The following L3MBTL4 variants were observed in gnomAD, a reference collection of about 807,000 sequenced individuals.
L3MBTL4 encodes L3MBTL histone methyl-lysine binding protein 4.
L3MBTL4 carries 70 observed loss-of-function variants against 84.5 expected under a neutral mutation model. The observed-to-expected ratio is 0.83, with a 90% CI of 0.68 to 1.01. The LOEUF is 1.01. L3MBTL4 is among the 50% of genes least tolerant of loss of function. L3MBTL4 has a pLI of 0.00. For synonymous variants in L3MBTL4, 274 were observed against 259.8 expected, an observed-to-expected ratio of 1.05 and a Z score of -0.52; for missense variants, 715 against 754.8, an observed-to-expected ratio of 0.95 and a Z score of 0.62.
At chr18:6,184,271 T>A (rs932611765) in intron 12 of L3MBTL4, among the ~76,000 whole-genome samples, 1 of 152,212 alleles carries the variant, frequency 6.6e-6, no homozygotes, top group Non-Finnish European at 1.5e-5. Context: ...TGATTTTACA[T>A]CCGTCACGGT....
In L3MBTL4 at chr18:5,969,473, C is replaced by A. The variant is rs373197727; in HGVS notation, c.1534G>T (p.Gly512Cys). 3.7e-6 allele frequency: 6 copies of A among 1,613,880 alleles called. No individual in the cohort carries two copies. Among genetic ancestry groups the A allele is most frequent in the Non-Finnish European group, 5.1e-6 (6 of 1,180,028 alleles). ...SAHPFRDLPLGREQHCKLLPG... is the reference protein window; with the variant it reads ...SAHPFRDLPLCREQHCKLLPG... ...AGCAACTTGCAGTGTTGCTCCCTGC[C>A]GAGGGGAAGGTCCCGAAAAGGGTGG... The change falls in exon 17 of 19, where the codon GGC becomes TGC. Residue 512 changes from glycine (G) to cysteine (C), a missense_variant. By Grantham distance (159) the Gly-to-Cys change is radical. Transcript: ENST00000317931.
At chr18:6,295,282 A>G (rs2050041259) in intron 4 of L3MBTL4, among the ~76,000 whole-genome samples, 2 of 148,788 alleles carry the variant, frequency 1.3e-5, no homozygotes, top group Admixed American at 6.7e-5. Flanking sequence ...CAAAAACAAA[A>G]CAACAGCAAC....
intron 17 of L3MBTL4, among the ~76,000 whole-genome samples, chr18:5,963,624 T>C (rs2052179442): frequency 6.6e-6 from 1 of 152,256 alleles, no homozygotes; most frequent in Non-Finnish European, 1.5e-5. Context: ...CCATGAACTG[T>C]ATTAAGCAGA....
At chr18:5,959,898 T>G (rs902136196) in intron 18 of L3MBTL4, among the ~76,000 whole-genome samples, 196 bp downstream of exon 18, 1 of 151,904 alleles carries the variant, frequency 6.6e-6, no homozygotes, top group African/African-American at 2.4e-5. Flanking sequence ...ACTGCATAAT[T>G]GGGCTCTATT....
intron 1 of L3MBTL4, among the ~76,000 whole-genome samples, chr18:6,404,939 T>C (rs1033717954): frequency 2.0e-5 from 3 of 151,868 alleles, no homozygotes; most frequent in Admixed American, 1.3e-4. Flanking sequence ...CAAGCAATCC[T>C]CCCACCTCAG....
chr18:6,301,426 G>A (rs2050333922), intron 4 of L3MBTL4, among the ~76,000 whole-genome samples: 1 of 152,088 alleles, frequency 6.6e-6, no homozygotes, highest in Non-Finnish European at 1.5e-5. Flanking sequence ...AGAATTAGTT[G>A]AATATGAAAA....
At chr18:6,174,311 G>T (rs773346027) in intron 12 of L3MBTL4, among the ~76,000 whole-genome samples, 1 of 152,108 alleles carries the variant, frequency 6.6e-6, no homozygotes, top group Non-Finnish European at 1.5e-5. Context: ...GTAATTAGCA[G>T]AAAAGGATTG....
At chr18:6,093,560 C>T (rs1555651610) in intron 14 of L3MBTL4, 32 bp from the exon 15 acceptor site, 1 of 1,553,672 alleles carries the variant, frequency 6.4e-7, no homozygotes, top group Non-Finnish European at 8.7e-7. Context: ...GCACAGTCAT[C>T]AGTATACAGT....
chr18:6,360,514 G>A (rs1254615475), intron 1 of L3MBTL4, among the ~76,000 whole-genome samples: 1 of 152,152 alleles, frequency 6.6e-6, no homozygotes, highest in Non-Finnish European at 1.5e-5. Flanking sequence ...AACTCAGAAA[G>A]GAGATTTATC....
intron 10 of L3MBTL4, among the ~76,000 whole-genome samples, chr18:6,216,879 A>G (rs1175012659): frequency 6.6e-6 from 1 of 152,202 alleles, no homozygotes; most frequent in Non-Finnish European, 1.5e-5. Context: ...GTCATGTGAC[A>G]TATAGAATTC....
In L3MBTL4 at chr18:6,301,928, C is replaced by T. The variant is rs950040655; in HGVS notation, c.102G>A (p.Lys34=). The part of the protein sequence containing the change: ...LEQAEEEKKP[K]DSTTPLSHVP... ...CGTGACTCAAAGGGGTTGTGCTATCCTTGGGCTTCTTTTCCTCTTCAGCTT... is the reference window on the plus strand; with the variant it reads ...CGTGACTCAAAGGGGTTGTGCTATCTTTGGGCTTCTTTTCCTCTTCAGCTT... The change falls in exon 4 of 19, where the codon AAG becomes AAA. Residue 34 remains lysine, a synonymous_variant. Transcript: ENST00000317931. The T allele has an allele frequency of 6.2e-7, 1 of 1,613,452 alleles. No individual in the cohort carries two copies. The highest frequency in any genetic ancestry group is 8.5e-7 in the Non-Finnish European group (1 of 1,179,410).
At chr18:5,956,512 TGAGA>T in intron 18 of L3MBTL4, 125 bp from the exon 19 acceptor site, 1 of 746,112 alleles carries the variant, frequency 1.3e-6, no homozygotes, top group Admixed American at 2.5e-5. Context: ...AGCTCACCAG[TGAGA>T]GAGAATGACG....
At chr18:6,027,062 C>T (rs1353007506) in intron 16 of L3MBTL4, among the ~76,000 whole-genome samples, 1 of 152,118 alleles carries the variant, frequency 6.6e-6, no homozygotes, top group South Asian at 2.1e-4. Flanking sequence ...GATACATGTG[C>T]AGAACGTGCA....
intron 4 of L3MBTL4, among the ~76,000 whole-genome samples, chr18:6,282,585 G>A (rs1423292390): frequency 2.6e-5 from 4 of 152,122 alleles, no homozygotes; most frequent in Admixed American, 6.5e-5. Flanking sequence ...TCGGGAGACC[G>A]GAAAGGGCAA....
chr18:6,110,419 ATG>A (rs2050089653), intron 14 of L3MBTL4, among the ~76,000 whole-genome samples: 3 of 150,956 alleles, frequency 2.0e-5, no homozygotes, highest in African/African-American at 7.3e-5. Context: ...GCATGTGAAT[ATG>A]TGTGTGTATC....
intron 12 of L3MBTL4, among the ~76,000 whole-genome samples, chr18:6,203,637 C>T (rs2045744165): frequency 6.6e-6 from 1 of 152,180 alleles, no homozygotes; most frequent in African/African-American, 2.4e-5. Context: ...GGGAAAAGAA[C>T]AGCCAGTCCC....
intron 4 of L3MBTL4, among the ~76,000 whole-genome samples, chr18:6,265,680 G>A (rs1350519380): frequency 1.3e-5 from 2 of 148,416 alleles, no homozygotes; most frequent in African/African-American, 5.3e-5. Context: ...CTTATGCTAA[G>A]TGAAATAAGT....
intron 17 of L3MBTL4, among the ~76,000 whole-genome samples, chr18:5,961,265 C>T (rs1355180874): frequency 6.6e-6 from 1 of 152,224 alleles, no homozygotes; most frequent in African/African-American, 2.4e-5. Context: ...CCCTCCAAGC[C>T]TCTCCAGGAG....
intron 3 of L3MBTL4, among the ~76,000 whole-genome samples, chr18:6,308,824 T>A (rs757063978): frequency 6.6e-6 from 1 of 151,920 alleles, no homozygotes; most frequent in African/African-American, 2.4e-5. Context: ...TATTTAGGGG[T>A]TTAGTGTATG....
Sources: gnomAD v4.1 joint callset for allele counts (sites outside exome capture counted in the v4.1 genomes callset) on GRCh38, gnomAD v4.1.1 for gene constraint, MANE v1.5 for transcripts, NCBI Gene and HGNC (gene_info 2026-07-23, HGNC 2026-07-21) for gene names.